Variants in ASCC3 observed in about 807,000 individuals in gnomAD.
ASCC3 encodes ASC-1 complex subunit P200.
ASCC3 carries 158 observed loss-of-function variants against 256.3 expected under a neutral mutation model. The ratio of observed to expected loss-of-function variants is 0.62; its 90% CI spans 0.54 to 0.70. The LOEUF is 0.70. Ranked by LOEUF, ASCC3 falls within the 30% of genes least tolerant of loss-of-function variation. ASCC3 has a pLI of 0.00. For synonymous variants in ASCC3, 948 were observed against 883.4 expected (o/e 1.07, Z -1.30); for missense variants, 2,259 against 2,626.0 (o/e 0.86, Z 3.05).
At chr6:100,551,562 G>A (rs894113155) in intron 36 of ASCC3, among the ~76,000 whole-genome samples, 3 of 151,750 alleles carry the variant, frequency 2.0e-5, no homozygotes, top group African/African-American at 7.3e-5. Context: ...TCAAATATAA[G>A]TTATATCTAC....
At chr6:100,855,875 G>A (rs1772919244) in intron 3 of ASCC3, among the ~76,000 whole-genome samples, 1 of 152,122 alleles carries the variant, frequency 6.6e-6, no homozygotes, top group South Asian at 2.1e-4. Context: ...CCATATTATA[G>A]AAGAGAAAAG....
At chr6:100,822,366 A>G (rs1019951165) in intron 4 of ASCC3, among the ~76,000 whole-genome samples, 19 of 152,008 alleles carry the variant, frequency 1.2e-4, no homozygotes. Context: ...GTAAGACTCC[A>G]TCTCTTCAAA....
chr6:100,552,023 G>A (rs892896300), intron 36 of ASCC3, among the ~76,000 whole-genome samples: 1 of 151,866 alleles, frequency 6.6e-6, no homozygotes, highest in African/African-American at 2.4e-5. Context: ...GAGAGTAACT[G>A]TAACTCCCCA....
At position 100,800,504 on chromosome 6, in the gene ASCC3, T is replaced by C; in HGVS notation, c.923A>G (p.Asp308Gly). ...SNDHRFQALQ[D>G]NCKKILGENA... The stretch of plus-strand genomic sequence containing the variant: ...TTCTCCTAAAATTTTTTTACAATTG[T>C]CTAAGAAGCAAATTTAAGAAACACA... Residue 308 changes from aspartate (D) to glycine (G), a missense_variant and splice_region_variant, in exon 6 of 42, where the codon GAC (aspartate) becomes GGC (glycine). Around this residue, in one of 2 missense-constraint regions of ASCC3, gnomAD observed 420 missense variants for 419.3 expected, o/e 1.00. Coordinates refer to ENST00000369162, the MANE Select transcript of ASCC3 (RefSeq NM_006828.4). The C allele has an allele frequency of 6.3e-7, 1 of 1,595,730 alleles. No individual in the cohort carries two copies. The highest frequency in any genetic ancestry group is 8.6e-7 in the Non-Finnish European group (1 of 1,166,688).
chr6:100,761,988 T>A lies in ASCC3; in HGVS notation c.1737+4577A>T, dbSNP rs370683050. 1.3e-4 allele frequency among the ~76,000 whole-genome samples: 20 copies of A among 152,236 alleles called. No homozygotes were observed. In the East Asian group the frequency reaches 3.7e-3, roughly 28 times the overall value. On this transcript the variant is annotated intron_variant, in intron 10 of 41. Transcript: ENST00000369162. The stretch of plus-strand genomic sequence containing the variant: ...AAAATCCCCTTGAAAGAAGAGTAGA[T>A]CAGAGCAGTGTGACATCGAACACTG...
chr6:100,765,770 A>C (rs1323494609), intron 10 of ASCC3, among the ~76,000 whole-genome samples: 1 of 152,342 alleles, frequency 6.6e-6, no homozygotes, highest in East Asian at 1.9e-4. Flanking sequence ...CTTTTGGTCT[A>C]TACCACCAAG....
At chr6:100,640,309 T>C (rs1775058417) in intron 24 of ASCC3, among the ~76,000 whole-genome samples, 2 of 152,090 alleles carry the variant, frequency 1.3e-5, no homozygotes, top group South Asian at 4.2e-4. Flanking sequence ...AAGATGAAGG[T>C]TTTTCTTGGC....
At chr6:100,554,901 T>G (rs1044711158) in intron 36 of ASCC3, among the ~76,000 whole-genome samples, 8 of 152,010 alleles carry the variant, frequency 5.3e-5, no homozygotes, top group East Asian at 1.9e-4. Context: ...GATATAACTT[T>G]TTTCTATATA....
intron 30 of ASCC3, among the ~76,000 whole-genome samples, chr6:100,614,091 G>A: frequency 6.6e-6 from 1 of 152,084 alleles, no homozygotes; most frequent in East Asian, 1.9e-4. Flanking sequence ...CTGTTGGTAG[G>A]AAATCCCAGT....
At chr6:100,814,943 C>A (rs1424068087) in intron 4 of ASCC3, among the ~76,000 whole-genome samples, 1 of 151,938 alleles carries the variant, frequency 6.6e-6, no homozygotes, top group African/African-American at 2.4e-5. Flanking sequence ...TTCAGTTCAG[C>A]TCTGATTTTG....
intron 18 of ASCC3, among the ~76,000 whole-genome samples, chr6:100,651,908 T>A (rs1562199642): frequency 1.3e-5 from 2 of 151,966 alleles, no homozygotes; most frequent in Non-Finnish European, 2.9e-5. Context: ...GTTAATAACA[T>A]CTACACTAGA....
intron 34 of ASCC3, among the ~76,000 whole-genome samples, chr6:100,601,253 C>A (rs2114795685): frequency 6.6e-6 from 1 of 152,132 alleles, no homozygotes; most frequent in South Asian, 2.1e-4. Flanking sequence ...GTTTTTCCCA[C>A]ACTAAAGATC....
chr6:100,799,606 T>C (rs1385323005), intron 6 of ASCC3, 34 bp from the exon 7 acceptor site: 1 of 1,604,554 alleles, frequency 6.2e-7, no homozygotes, highest in South Asian at 1.1e-5. Context: ...ATTTGAAATG[T>C]TTATCTTGAA....
intron 36 of ASCC3, among the ~76,000 whole-genome samples, chr6:100,552,567 T>A (rs1039222348): frequency 6.6e-6 from 1 of 151,998 alleles, no homozygotes; most frequent in African/African-American, 2.4e-5. Context: ...TAGTCTCCAA[T>A]CTCCAATTAG....
At chr6:100,852,117 C>T (rs1363364465) in intron 3 of ASCC3, among the ~76,000 whole-genome samples, 1 of 152,236 alleles carries the variant, frequency 6.6e-6, no homozygotes, top group Non-Finnish European at 1.5e-5. Context: ...GGATGCACCA[C>T]AGCTTGCTGG....
rs775121130 is a variant in ASCC3, at chr6:100,848,309, G to A, written c.640C>T (p.Pro214Ser). 1.2e-6 allele frequency: 2 copies of A among 1,613,968 alleles called. No individual in the cohort carries two copies. Among genetic ancestry groups the A allele is most frequent in the African/African-American group, 1.3e-5 (1 of 74,992 alleles). The change falls in exon 4 of 42, where the codon CCT (proline) becomes TCT (serine). Residue 214 changes from proline (P) to serine (S), a missense_variant. Physicochemically the swap from Pro to Ser is moderately conservative, Grantham distance 74. Coordinates refer to ENST00000369162, the MANE Select transcript of ASCC3 (RefSeq NM_006828.4). ...LQEACTPELK[P>S]VEKTNGSFLW... ...AAGGAGCCATTTGTTTTTTCCACAG[G>A]CTTGAGTTCTGGGGTGCAAGCCTCC...
intron 1 of ASCC3, among the ~76,000 whole-genome samples, 178 bp downstream of exon 1, chr6:100,880,883 C>G (rs1769270029): frequency 6.6e-6 from 1 of 152,170 alleles, no homozygotes; most frequent in Non-Finnish European, 1.5e-5. Context: ...GGTATTGTTG[C>G]GAGACCCCGG....
Position 100,673,393 on chromosome 6 carries a change from G to C in ASCC3, c.2286+6225C>G, listed in dbSNP as rs190395002. ...TCTTTAGAGTGCTTCCTCTACTCAA[G>C]TATTTTCAAGTGAGTGAAAAACAAC... On this transcript the variant is annotated intron_variant, in intron 14 of 41. Coordinates refer to ENST00000369162, the MANE Select transcript of ASCC3 (RefSeq NM_006828.4). Among the ~76,000 whole-genome samples the C allele has an allele frequency of 5.6e-3, 845 of 152,040 alleles. 10 individuals are homozygous for C. Among genetic ancestry groups the C allele is most frequent in the African/African-American group, 0.02 (815 of 41,478 alleles).
intron 36 of ASCC3, among the ~76,000 whole-genome samples, chr6:100,548,806 C>A (rs1195245928): frequency 1.3e-5 from 2 of 151,838 alleles, no homozygotes; most frequent in African/African-American, 2.4e-5. Context: ...TACAGTAGTT[C>A]TCCCTTATCC....
Sources: gnomAD v4.1 joint callset for allele counts (sites outside exome capture counted in the v4.1 genomes callset) on GRCh38, gnomAD v4.1.1 for gene constraint, gnomAD v4.1.1 regional missense constraint, MANE v1.5 for transcripts, NCBI Gene and HGNC (gene_info 2026-07-23, HGNC 2026-07-21) for gene names.